ANK3: variants seen among roughly 807,000 people sequenced by gnomAD.
ANK3 encodes the protein ankyrin 3.
In ANK3, 57 loss-of-function variants were observed where a neutral mutation model predicts 370.9. The observed-to-expected ratio is 0.15, with a 90% CI of 0.12 to 0.19. The LOEUF is 0.19. Among genes scored for constraint, ANK3 ranks in the 10% least tolerant of loss-of-function variants. The pLI is 1.00. For synonymous variants in ANK3, 1,929 were observed against 1,946.3 expected, an observed-to-expected ratio of 0.99 and a Z score of 0.23; for missense variants, 4,439 against 5,302.1, an observed-to-expected ratio of 0.84 and a Z score of 5.06.
intron 2 of ANK3, among the ~76,000 whole-genome samples, chr10:60,526,580 G>C (rs763886316): frequency 6.6e-6 from 1 of 152,030 alleles, no homozygotes; most frequent in Non-Finnish European, 1.5e-5. Flanking sequence ...AACAAAAAAG[G>C]CATTGTGGTA....
chr10:60,357,036 C>A (rs2057864569), intron 1 of ANK3, among the ~76,000 whole-genome samples: 1 of 152,182 alleles, frequency 6.6e-6, no homozygotes, highest in Non-Finnish European at 1.5e-5. Context: ...GTTTTCTGAT[C>A]ACCCTACTAT....
At chr10:60,501,965 G>C (rs1286933031) in intron 2 of ANK3, among the ~76,000 whole-genome samples, 2 of 152,218 alleles carry the variant, frequency 1.3e-5, no homozygotes, top group Non-Finnish European at 1.5e-5. Context: ...TTTAGCCTGG[G>C]TGACAGGGTG....
intron 24 of ANK3, among the ~76,000 whole-genome samples, chr10:60,136,812 T>C (rs2094364362): frequency 6.6e-6 from 1 of 152,206 alleles, no homozygotes; most frequent in African/African-American, 2.4e-5. Flanking sequence ...GAATCCTTAA[T>C]ACTTCGAAGT....
At chr10:60,708,285 CT>C (rs1222043726) in intron 1 of ANK3, among the ~76,000 whole-genome samples, 1 of 152,214 alleles carries the variant, frequency 6.6e-6, no homozygotes, top group African/African-American at 2.4e-5. Flanking sequence ...GAGAAATCCT[CT>C]CTTCAAGTCA....
chr10:60,688,689 C>T (rs1048659620), intron 1 of ANK3, among the ~76,000 whole-genome samples: 1 of 152,176 alleles, frequency 6.6e-6, no homozygotes, highest in African/African-American at 2.4e-5. Flanking sequence ...TGGCACATGC[C>T]TGTAATCCCA....
At chr10:60,562,822 T>C (rs1321562368) in intron 2 of ANK3, among the ~76,000 whole-genome samples, 1 of 152,178 alleles carries the variant, frequency 6.6e-6, no homozygotes, top group African/African-American at 2.4e-5. Context: ...GTCATATCCA[T>C]AGATGGGAAT....
intron 8 of ANK3, among the ~76,000 whole-genome samples, chr10:60,213,954 T>C (rs1351722086): frequency 6.6e-6 from 1 of 152,170 alleles, no homozygotes; most frequent in Non-Finnish European, 1.5e-5. Flanking sequence ...TATTGATTAC[T>C]ACATATTTCT....
At position 60,078,630 on chromosome 10, in the gene ANK3, T is replaced by C. The variant is rs2084368069; in HGVS notation, c.4432+1907A>G. Among the ~76,000 whole-genome samples the C allele has an allele frequency of 2.0e-5, 3 of 152,128 alleles. No individual in the cohort carries two copies. The South Asian group carries it at 6.2e-4, about 31-fold the overall frequency. ...ACACATTTTATGCTTTAATGACATA[T>C]ATTTTGGGATCCCTTTATAAGAGGG... On this transcript the variant is annotated intron_variant, in intron 36 of 43. Coordinates refer to ENST00000280772, the MANE Select transcript of ANK3 (RefSeq NM_020987.5).
intron 5 of ANK3, among the ~76,000 whole-genome samples, chr10:60,267,551 A>G (rs2097900551): frequency 6.6e-6 from 1 of 152,190 alleles, no homozygotes; most frequent in Admixed American, 6.5e-5. Flanking sequence ...TCCTTTGCTA[A>G]AAGACTGAAG....
intron 28 of ANK3, among the ~76,000 whole-genome samples, chr10:60,091,902 C>T (rs1589858528): frequency 6.6e-6 from 1 of 151,820 alleles, no homozygotes; most frequent in Non-Finnish European, 1.5e-5. Flanking sequence ...AGCTAATTTT[C>T]GTACTTTTAG....
At chr10:60,418,158 C>T (rs189451690) in intron 2 of ANK3, among the ~76,000 whole-genome samples, 5 of 152,220 alleles carry the variant, frequency 3.3e-5, no homozygotes, top group Non-Finnish European at 7.4e-5. Context: ...CCTCTAATGC[C>T]GGCCTCCTGA....
At chr10:60,289,190 A>G (rs1401263928) in intron 1 of ANK3, among the ~76,000 whole-genome samples, 1 of 151,960 alleles carries the variant, frequency 6.6e-6, no homozygotes, top group Non-Finnish European at 1.5e-5. Flanking sequence ...ATACAAGATT[A>G]AGATCTCAAG....
chr10:60,330,592 C>T (rs952397432), intron 1 of ANK3, among the ~76,000 whole-genome samples: 1 of 151,982 alleles, frequency 6.6e-6, no homozygotes, highest in African/African-American at 2.4e-5. Context: ...GTTAGAATGG[C>T]GATCATTAAA....
intron 7 of ANK3, 34 bp downstream of exon 7, chr10:60,261,825 G>T (rs1283335360): frequency 1.8e-5 from 29 of 1,577,882 alleles, no homozygotes; most frequent in Non-Finnish European, 2.4e-5. Flanking sequence ...AGTTGCAAAT[G>T]CTTTAAAGGT....
intron 7 of ANK3, among the ~76,000 whole-genome samples, chr10:60,245,837 C>T (rs2097544129): frequency 1.3e-5 from 2 of 152,176 alleles, no homozygotes; most frequent in African/African-American, 2.4e-5. Context: ...ACACTCCAGC[C>T]TTCCTAGTCT....
At chr10:60,158,952 AGGCATGAGCCACC>A (rs1397079584) in intron 23 of ANK3, among the ~76,000 whole-genome samples, 2 of 152,140 alleles carry the variant, frequency 1.3e-5, no homozygotes, top group Non-Finnish European at 2.9e-5. Flanking sequence ...TTGGGATTAT[AGGCATGAGCCACC>A]GTGCCCAGCC....
chr10:60,147,267 G>A (rs985549124), intron 23 of ANK3, among the ~76,000 whole-genome samples: 2 of 152,110 alleles, frequency 1.3e-5, no homozygotes, highest in African/African-American at 2.4e-5. Context: ...CCTTCTGGCA[G>A]GACTGGAGCC....
intron 1 of ANK3, among the ~76,000 whole-genome samples, chr10:60,674,388 G>A (rs2079098938): frequency 1.3e-5 from 2 of 152,100 alleles, no homozygotes; most frequent in South Asian, 4.2e-4. Flanking sequence ...CACTCATGGT[G>A]GAAGGTAAAG....
At chr10:60,706,876 G>T (rs1469052277) in intron 1 of ANK3, among the ~76,000 whole-genome samples, 1 of 152,108 alleles carries the variant, frequency 6.6e-6, no homozygotes, top group Non-Finnish European at 1.5e-5. Context: ...GTAAGTTCAG[G>T]TCTGTAAATG....
Sources: gnomAD v4.1 joint callset for allele counts (sites outside exome capture counted in the v4.1 genomes callset) on GRCh38, gnomAD v4.1.1 for gene constraint, MANE v1.5 for transcripts, NCBI Gene and HGNC (gene_info 2026-07-23, HGNC 2026-07-21) for gene names.